PAMR1: variants seen among roughly 807,000 people sequenced by gnomAD.
The protein encoded by PAMR1 is inactive serine protease PAMR1.
A neutral mutation model predicts 81.8 loss-of-function variants in PAMR1; 88 were observed. The ratio of observed to expected loss-of-function variants is 1.08; its 90% CI spans 0.91 to 1.28. The LOEUF is 1.28. Among genes scored for constraint, PAMR1 ranks in the 50% most tolerant of loss-of-function variants. The pLI is 0.00. For synonymous variants in PAMR1, 336 were observed against 345.3 expected (o/e 0.97, Z 0.30); for missense variants, 935 against 919.7 (o/e 1.02, Z -0.21).
chr11:35,433,493 C>T (rs1243566918), intron 10 of PAMR1, among the ~76,000 whole-genome samples: 1 of 152,224 alleles, frequency 6.6e-6, no homozygotes, highest in African/African-American at 2.4e-5. Context: ...TAGGAGCACA[C>T]ATCTTGTAAA....
intron 1 of PAMR1, among the ~76,000 whole-genome samples, chr11:35,507,045 T>A (rs1278587477): frequency 9.9e-6 from 1 of 100,826 alleles, no homozygotes; most frequent in African/African-American, 4.2e-5. Flanking sequence ...CTGACTTTTT[T>A]TTTTTTTTTT....
intron 4 of PAMR1, among the ~76,000 whole-genome samples, chr11:35,474,062 T>A (rs186867915): frequency 2.0e-4 from 31 of 152,358 alleles, no homozygotes; most frequent in Non-Finnish European, 3.4e-4. Flanking sequence ...TCGTGTAGCA[T>A]TTATCAATAG....
rs780147873 is a variant in PAMR1 at position 35,432,768 on chromosome 11, C to A, written c.1751G>T (p.Ser584Ile). 1 of 1,613,268 alleles carries A rather than the reference C, an allele frequency of 6.2e-7. No individual in the cohort carries two copies. The highest frequency in any genetic ancestry group is 8.5e-7 in the Non-Finnish European group (1 of 1,180,050). Residue 584 changes from serine (S) to isoleucine (I), a missense_variant, in exon 11 of 11, where the codon AGT becomes ATT. Ser to Ile is a moderately radical substitution (Grantham distance 142). Coordinates refer to ENST00000619888, the MANE Select transcript of PAMR1 (RefSeq NM_001001991.3). ...TRVQPICLAA[S>I]RDLSTSFQES... ...CTGGAAGGAAGTGCTGAGATCCCGA[C>A]TGGCAGCGAGGCAGATGGGCTGGAC...
chr11:35,463,321 T>C (rs945916488), intron 6 of PAMR1, among the ~76,000 whole-genome samples: 1 of 152,192 alleles, frequency 6.6e-6, no homozygotes, highest in African/African-American at 2.4e-5. Flanking sequence ...TGGAGGTCGA[T>C]TTGTTTTGCT....
Position 35,432,775 on chromosome 11 carries a change from C to G in PAMR1, c.1744G>C (p.Ala582Pro). ...ISTRVQPICL[A>P]ASRDLSTSFQ... ...GAAGTGCTGAGATCCCGACTGGCAG[C>G]GAGGCAGATGGGCTGGACTCGGGTG... The change falls in exon 11 of 11, where the codon GCT (alanine) becomes CCT (proline). Residue 582 changes from alanine to proline, a missense_variant. Ala to Pro is a conservative substitution (Grantham distance 27). Transcript: ENST00000619888. 2 of 1,612,786 alleles carry G rather than the reference C, an allele frequency of 1.2e-6. No individual in the cohort carries two copies. Among genetic ancestry groups the G allele is most frequent in the South Asian group, 2.2e-5 (2 of 91,084 alleles).
At chr11:35,528,974 C>T (rs943882725), upstream of PAMR1, 1 of 152,202 alleles carries the variant, frequency 6.6e-6, no homozygotes, top group African/African-American at 2.4e-5. Context: ...CACAATAATC[C>T]CAGGGCTGGA....
intron 6 of PAMR1, among the ~76,000 whole-genome samples, chr11:35,445,972 T>C (rs1460261746): frequency 6.6e-6 from 1 of 152,218 alleles, no homozygotes; most frequent in Non-Finnish European, 1.5e-5. Flanking sequence ...TGGGCTTCTT[T>C]TGATTGGTAG....
intron 6 of PAMR1, among the ~76,000 whole-genome samples, chr11:35,449,911 G>T (rs1307553912): frequency 6.6e-6 from 1 of 151,814 alleles, no homozygotes; most frequent in African/African-American, 2.4e-5. Flanking sequence ...GCTTTCCATG[G>T]GTCATGACAA....
In PAMR1 at chr11:35,470,706, G is replaced by A. The variant is rs776344621; in HGVS notation, c.607C>T (p.Arg203Trp). The stretch of plus-strand genomic sequence containing the variant: ...CCTATGCTCTGGATAGGAGCTGGCC[G>A]CTCGTTGCCACAGACACGCTTGATG... ...QIIKRVCGNE[R>W]PAPIQSIGSS... The change falls in exon 5 of 11, where the codon CGG becomes TGG. Residue 203 changes from arginine (R) to tryptophan (W), a missense_variant. Transcript: ENST00000619888. 15 of 1,613,970 alleles carry A rather than the reference G, an allele frequency of 9.3e-6. 1 individual carries two copies. The highest frequency in any genetic ancestry group is 5.0e-5 in the Admixed American group (3 of 60,004).
intron 6 of PAMR1, among the ~76,000 whole-genome samples, chr11:35,451,179 T>C (rs1856411035): frequency 6.6e-6 from 1 of 152,254 alleles, no homozygotes; most frequent in Admixed American, 6.5e-5. Context: ...GCTCCCACTC[T>C]GTTACTTTCC....
intron 4 of PAMR1, among the ~76,000 whole-genome samples, chr11:35,473,690 C>G (rs1466712393): frequency 6.6e-6 from 1 of 152,142 alleles, no homozygotes; most frequent in South Asian, 2.1e-4. Context: ...CATGTTGCCC[C>G]TCCTGGAGGA....
At chr11:35,454,505 C>T (rs1590331586) in intron 6 of PAMR1, among the ~76,000 whole-genome samples, 1 of 152,128 alleles carries the variant, frequency 6.6e-6, no homozygotes, top group African/African-American at 2.4e-5. Context: ...ATCTTGCTTC[C>T]CCAGCTCTGT....
At chr11:35,485,029 GT>G (rs1850473274) in intron 3 of PAMR1, among the ~76,000 whole-genome samples, 1 of 152,184 alleles carries the variant, frequency 6.6e-6, no homozygotes, top group South Asian at 2.1e-4. Context: ...CCAAATCGCA[GT>G]TCCTAAATAC....
At chr11:35,527,182 ACTCAGCAGGC>A (rs1166697514), upstream of PAMR1, among the ~76,000 whole-genome samples, 3 of 152,112 alleles carry the variant, frequency 2.0e-5, no homozygotes, top group Admixed American at 6.5e-5. Context: ...GGAAGCAAGA[ACTCAGCAGGC>A]CTGTGTTCTA....
chr11:35,530,277 A>G (rs1481147679), upstream of PAMR1: 1 of 152,252 alleles, frequency 6.6e-6, no homozygotes, highest in Non-Finnish European at 1.5e-5. Context: ...TGGCCCCTTC[A>G]TGGAAGTCTC....
intron 3 of PAMR1, among the ~76,000 whole-genome samples, chr11:35,491,697 G>A (rs756696426): frequency 1.3e-5 from 2 of 152,166 alleles, no homozygotes; most frequent in Admixed American, 1.3e-4. Context: ...AAATTCATAC[G>A]TACAGTGCAC....
chr11:35,499,805 T>C (rs536221483), intron 1 of PAMR1, among the ~76,000 whole-genome samples: 2 of 152,356 alleles, frequency 1.3e-5, no homozygotes, highest in South Asian at 2.1e-4. Context: ...TCTAAGGGAA[T>C]GACCCCAGGG....
Position 35,439,613 on chromosome 11 carries a change from T to G in PAMR1, c.1100+14A>C. The G allele has an allele frequency of 6.2e-7, 1 of 1,603,370 alleles. No homozygotes were observed. Among genetic ancestry groups the G allele is most frequent in the East Asian group, 2.2e-5 (1 of 44,844 alleles). ...ATTAGCCTTCAGGGCAGAGTGCAGG[T>G]GTTTTGACCTCACCTTGACTGAACC... On this transcript the variant is annotated intron_variant, in intron 8 of 10. Transcript: ENST00000619888.
chr11:35,484,793 G>A (rs1359475877), intron 3 of PAMR1, among the ~76,000 whole-genome samples: 1 of 152,200 alleles, frequency 6.6e-6, no homozygotes, highest in African/African-American at 2.4e-5. Flanking sequence ...TGCCATGCCA[G>A]CTAGAAGTGT....
Sources: allele counts gnomAD v4.1 joint callset (sites outside exome capture counted in the v4.1 genomes callset), GRCh38; gene constraint gnomAD v4.1.1; transcripts MANE v1.5; gene names NCBI Gene and HGNC (gene_info 2026-07-23, HGNC 2026-07-21).